ANKDD1B: variants seen among roughly 807,000 people sequenced by gnomAD.
The protein encoded by ANKDD1B is ankyrin repeat and death domain-containing protein 1B.
Under a neutral mutation model 59.7 loss-of-function variants are expected in ANKDD1B, and 57 were observed. That is an observed-to-expected ratio of 0.95 (90% CI 0.77 to 1.19). ANKDD1B has a LOEUF of 1.19. ANKDD1B is among the 50% of genes most tolerant of loss of function. The probability of loss-of-function intolerance (pLI) is 0.00; values close to 1 mark genes in which losing one functional copy is unlikely to be tolerated. For missense variants in ANKDD1B, 602 were observed against 641.9 expected (o/e 0.94, Z 0.67); for synonymous variants, 216 against 239.5 (o/e 0.90, Z 0.91).
rs931291700 is a variant in ANKDD1B at position 75,611,703 on chromosome 5, GGCC to G, written c.73_75del (p.Ala25del). On this transcript the variant is annotated inframe_deletion, in exon 1 of 14. Coordinates refer to ENST00000601380, the MANE Select transcript of ANKDD1B (RefSeq NM_001276713.2). The stretch of plus-strand genomic sequence containing the variant: ...GGGGGCTGCTGCTCCGGGCTGCTGC[GGCC>G]GCCAAGGGTCTCAGGGAAGACCTGT... 11 of 1,231,782 alleles carry G rather than the reference GGCC, an allele frequency of 8.9e-6. No individual in the cohort carries two copies. The African/African-American group carries it at 1.7e-4, about 19-fold the overall frequency. The allele number at this position is 1,231,782 out of a possible 1,614,324, so 76.3% of individuals were successfully genotyped here.
chr5:75,667,063 G>C, intron 12 of ANKDD1B, 70 bp downstream of exon 12: 2 of 1,037,552 alleles, frequency 1.9e-6, no homozygotes, highest in South Asian at 4.6e-5. Flanking sequence ...CCTGGTGTGA[G>C]GTCTTCCAAG....
chr5:75,625,610 G>A, intron 3 of ANKDD1B, 37 bp from the exon 4 acceptor site: 1 of 1,496,820 alleles, frequency 6.7e-7, no homozygotes, highest in Non-Finnish European at 9.0e-7. Context: ...CAGCTTGTCA[G>A]AGTGATAGAT....
rs1425167563 is a variant in ANKDD1B at position 75,669,452 on chromosome 5, T to C, written c.1525+69T>C. The C allele has an allele frequency of 1.4e-5, 17 of 1,204,460 alleles. No homozygotes were observed. In the East Asian group the frequency reaches 5.4e-4, roughly 38 times the overall value. 74.6% of individuals were successfully genotyped at this position (1,204,460 alleles called of 1,614,324 possible). ...TTTCAGGAAGCAGTCTACAGAAATA[T>C]CATCCTGACCAGCTACAGCCCCAGC... On this transcript the variant is annotated intron_variant, in intron 13 of 13. Coordinates refer to ENST00000601380, the MANE Select transcript of ANKDD1B (RefSeq NM_001276713.2).
In ANKDD1B at chr5:75,660,320, T is replaced by A. The variant is rs979864991; in HGVS notation, c.1095+939T>A. 3.9e-5 allele frequency among the ~76,000 whole-genome samples: 6 copies of A among 152,266 alleles called. No homozygotes were observed. The East Asian group carries it at 9.6e-4, about 24-fold the overall frequency. The stretch of plus-strand genomic sequence containing the variant: ...TTTCTATGAATTTGACCACTCTAAG[T>A]ACCTCATATAAGTGGAATCACATAG... On this transcript the variant is annotated intron_variant, in intron 10 of 13. Coordinates refer to ENST00000601380, the MANE Select transcript of ANKDD1B (RefSeq NM_001276713.2).
In ANKDD1B at chr5:75,664,865, T is replaced by C. The variant is rs746969994; in HGVS notation, c.1191+1376T>C. Among the ~76,000 whole-genome samples, 55 of 152,194 alleles carry C rather than the reference T, an allele frequency of 3.6e-4. 3 individuals are homozygous for C. Among genetic ancestry groups the C allele is most frequent in the Non-Finnish European group, 1.2e-4 (8 of 68,022 alleles). ...TTAACTCCGGTGACAATTGGGGTCC[T>C]GGGGTCTGGAGTGGGAGAAATACTT... is the stretch of plus-strand genomic sequence containing the variant. On this transcript the variant is annotated intron_variant, in intron 11 of 13. Transcript: ENST00000601380.
intron 7 of ANKDD1B, among the ~76,000 whole-genome samples, chr5:75,641,219 A>G (rs1437820278): frequency 6.6e-6 from 1 of 152,176 alleles, no homozygotes; most frequent in Non-Finnish European, 1.5e-5. Flanking sequence ...GAATTTGGAA[A>G]AGTTAAGGAA....
At chr5:75,643,503 G>A (rs1360716879) in intron 7 of ANKDD1B, among the ~76,000 whole-genome samples, 61 of 38,036 alleles carry the variant, frequency 1.6e-3, no homozygotes, top group Non-Finnish European at 2.2e-3. Flanking sequence ...ATCAGCAATG[G>A]AAGATGAAAT....
chr5:75,665,106 A>G (rs1775272874), intron 11 of ANKDD1B, among the ~76,000 whole-genome samples: 1 of 152,202 alleles, frequency 6.6e-6, no homozygotes, highest in Admixed American at 6.5e-5. Flanking sequence ...TTCAGAGGCA[A>G]ATGGGAGCTT....
At chr5:75,633,796 G>T (rs1774227429) in intron 5 of ANKDD1B, among the ~76,000 whole-genome samples, 1 of 152,176 alleles carries the variant, frequency 6.6e-6, no homozygotes, top group East Asian at 1.9e-4. Flanking sequence ...TAGGAGGTGG[G>T]ACCTATTGGG....
intron 5 of ANKDD1B, among the ~76,000 whole-genome samples, chr5:75,633,077 T>G (rs11956755): frequency 0.089 from 13,558 of 152,272 alleles, 1,458 homozygotes; most frequent in African/African-American, 0.26. Flanking sequence ...AACACAATGA[T>G]TTTTGGTCTG....
intron 10 of ANKDD1B, among the ~76,000 whole-genome samples, chr5:75,660,227 T>C (rs78634427): frequency 0.029 from 4,437 of 152,322 alleles, 217 homozygotes; most frequent in African/African-American, 0.098. Context: ...AGTGAAACTT[T>C]ACACTTATTC....
At position 75,653,227 on chromosome 5, in the gene ANKDD1B, A is replaced by G; in HGVS notation, c.884A>G (p.His295Arg). Residue 295 changes from histidine (H) to arginine (R), a missense_variant, in exon 8 of 14, where the codon CAC becomes CGC. By Grantham distance (29) the His-to-Arg change is conservative. This residue lies in a region of ANKDD1B where 280 missense variants were observed against 319.8 expected (regional missense o/e 0.88). Transcript: ENST00000601380. ...CTTCTCAGTGAGAACGTTGATCTGC[A>G]CCAGAAAGTGGAAGTGAGTTTATTC... is the stretch of plus-strand genomic sequence containing the variant. ...NFLLSENVDL[H>R]QKVEPKESPL... 4 of 1,535,944 alleles carry G rather than the reference A, an allele frequency of 2.6e-6. No individual in the cohort carries two copies. Among genetic ancestry groups the G allele is most frequent in the Non-Finnish European group, 2.6e-6 (3 of 1,146,768 alleles).
At chr5:75,634,707 G>A in intron 5 of ANKDD1B, 191 bp from the exon 6 acceptor site, 1 of 516,344 alleles carries the variant, frequency 1.9e-6, no homozygotes. Context: ...TGCTGATGTG[G>A]AGTCTCCCAC....
At chr5:75,627,346 C>T (rs183748913) in intron 5 of ANKDD1B, among the ~76,000 whole-genome samples, 75 of 152,286 alleles carry the variant, frequency 4.9e-4, no homozygotes, top group African/African-American at 1.4e-3. Context: ...GACATTTCCT[C>T]AATCTTATGT....
intron 11 of ANKDD1B, among the ~76,000 whole-genome samples, chr5:75,664,336 C>A (rs1229659544): frequency 6.6e-6 from 1 of 152,182 alleles, no homozygotes; most frequent in Non-Finnish European, 1.5e-5. Flanking sequence ...GCTTGGTAGT[C>A]TTGATATATA....
At chr5:75,663,752 G>A (rs1031622246) in intron 11 of ANKDD1B, among the ~76,000 whole-genome samples, 2 of 152,228 alleles carry the variant, frequency 1.3e-5, no homozygotes, top group African/African-American at 4.8e-5. Context: ...GCTATAATGG[G>A]CCTAGCGTGT....
At chr5:75,668,757 A>G (rs40059) in intron 12 of ANKDD1B, among the ~76,000 whole-genome samples, 110,175 of 152,098 alleles carry the variant, frequency 0.72, 39,988 homozygotes, top group Middle Eastern at 0.81. Flanking sequence ...CCCTCAGAGT[A>G]GCTTCCTTGA....
intron 5 of ANKDD1B, chr5:75,634,618 CTG>C (rs1459645141): frequency 1.1e-5 from 3 of 279,802 alleles, no homozygotes; most frequent in African/African-American, 6.4e-5. Context: ...TGTCATCTGA[CTG>C]TGATGTTGCA....
chr5:75,663,478 G>GTC lies in ANKDD1B; in HGVS notation c.1180_1181insTC (p.Ala394ValfsTer20). On this transcript the variant is annotated frameshift_variant, in exon 11 of 14. Transcript: ENST00000601380. LOFTEE classifies it high-confidence loss of function. The stretch of plus-strand genomic sequence containing the variant: ...GCTCATTAAAGCAGAGAGATACTAC[G>GTC]CCTGGAGAGAGGTAAGGAAGGACGA... 6.5e-7 allele frequency: 1 copy of GTC among 1,536,304 alleles called. No homozygotes were observed. Among genetic ancestry groups the GTC allele is most frequent in the South Asian group, 1.2e-5 (1 of 84,060 alleles).
Sources: allele counts gnomAD v4.1 joint callset (sites outside exome capture counted in the v4.1 genomes callset), GRCh38; gene constraint gnomAD v4.1.1; regional missense constraint gnomAD v4.1.1; transcripts MANE v1.5; gene names NCBI Gene and HGNC (gene_info 2026-07-23, HGNC 2026-07-21).